Variants in MAST2 observed in about 807,000 individuals in gnomAD.
The protein encoded by MAST2 is microtubule associated serine/threonine kinase 2.
MAST2 carries 70 observed loss-of-function variants against 147.4 expected under a neutral mutation model. The observed-to-expected ratio is 0.47, with a 90% CI of 0.39 to 0.58. The LOEUF (loss-of-function observed/expected upper bound fraction) is 0.58. MAST2 is among the 20% of genes least tolerant of loss of function. The pLI is 0.00. For missense variants in MAST2, 2,080 were observed against 2,302.3 expected (o/e 0.90, Z 1.98); for synonymous variants, 869 against 896.8 (o/e 0.97, Z 0.55).
intron 5 of MAST2, among the ~76,000 whole-genome samples, chr1:45,960,695 G>T (rs992253952): frequency 3.3e-5 from 5 of 152,128 alleles, no homozygotes; most frequent in African/African-American, 1.2e-4. Context: ...CAGCACTTCT[G>T]TGCAGTTCAT....
intron 5 of MAST2, among the ~76,000 whole-genome samples, chr1:45,995,422 A>T (rs1645017601): frequency 6.7e-6 from 1 of 148,928 alleles, no homozygotes; most frequent in Non-Finnish European, 1.5e-5. Flanking sequence ...TGGGACTGCA[A>T]CGTCCCATCT....
In MAST2 at chr1:46,028,863, T is replaced by C. The variant is rs764885365; in HGVS notation, c.2148T>C (p.Tyr716=). 2.5e-6 allele frequency: 4 copies of C among 1,613,168 alleles called. No homozygotes were observed. In the African/African-American group the frequency reaches 5.3e-5, roughly 22 times the overall value. ...GGTGGGCCATGGGCATTATCCTGTA[T>C]GAGTTCCTGGTGGGCTGCGTCCCTT... ...VDWWAMGIIL[Y]EFLVGCVPFF... is the part of the protein sequence containing the mutation. Residue 716 remains tyrosine (Y), a synonymous_variant, in exon 18 of 29, where the codon TAT becomes TAC. Transcript: ENST00000361297.
At chr1:45,900,172 T>TAAAAAAAA (rs1557883401) in intron 4 of MAST2, among the ~76,000 whole-genome samples, 1 of 17,518 alleles carries the variant, frequency 5.7e-5, no homozygotes, top group Non-Finnish European at 9.2e-5. Flanking sequence ...TCTCTCTCTC[T>TAAAAAAAA]CAAAAAAAAA....
At chr1:45,930,708 A>G (rs1655152868) in intron 4 of MAST2, among the ~76,000 whole-genome samples, 1 of 152,174 alleles carries the variant, frequency 6.6e-6, no homozygotes, top group Admixed American at 6.5e-5. Flanking sequence ...CAAAATTCCA[A>G]GAATAGTTCA....
intron 4 of MAST2, among the ~76,000 whole-genome samples, chr1:45,906,134 A>T (rs1470044250): frequency 6.6e-6 from 1 of 152,212 alleles, no homozygotes; most frequent in East Asian, 1.9e-4. Context: ...GAAAAAAAGA[A>T]TAAAAAATTA....
chr1:46,006,310 T>C lies in MAST2; in HGVS notation c.817T>C (p.Leu273=). ...FQPTADELHF[L]TKHFSTESVP... ...GCCTACAGCTGATGAGCTGCACTTT[T>C]TGACGAAGCATTTCAGCACAGAGAG... is the stretch of plus-strand genomic sequence containing the variant. Residue 273 remains leucine (L), a synonymous_variant, in exon 8 of 29, where the codon TTG becomes CTG. Coordinates refer to ENST00000361297, the MANE Select transcript of MAST2 (RefSeq NM_015112.3). 1 of 1,613,950 alleles carries C rather than the reference T, an allele frequency of 6.2e-7. No homozygotes were observed. The highest frequency in any genetic ancestry group is 2.2e-5 in the East Asian group (1 of 44,876).
At chr1:45,901,298 A>G (rs1395450862) in intron 4 of MAST2, among the ~76,000 whole-genome samples, 1 of 152,100 alleles carries the variant, frequency 6.6e-6, no homozygotes, top group East Asian at 1.9e-4. Flanking sequence ...TTTGTTGAAG[A>G]TCACTTTACT....
intron 4 of MAST2, among the ~76,000 whole-genome samples, chr1:45,904,585 C>G (rs1009860396): frequency 6.6e-6 from 1 of 151,966 alleles, no homozygotes; most frequent in African/African-American, 2.4e-5. Flanking sequence ...CTACCTTAGC[C>G]CCCCCAAGTA....
chr1:46,001,500 G>A (rs896576355), intron 6 of MAST2, among the ~76,000 whole-genome samples: 2 of 152,160 alleles, frequency 1.3e-5, no homozygotes, highest in Non-Finnish European at 2.9e-5. Context: ...TCCTGGAACC[G>A]ACTTGTTTTA....
In MAST2 at chr1:46,031,411, G is replaced by A. The variant is rs1263549534; in HGVS notation, c.3013G>A (p.Gly1005Arg). The A allele has an allele frequency of 6.2e-7, 1 of 1,613,334 alleles. No homozygotes were observed. Among genetic ancestry groups the A allele is most frequent in the Non-Finnish European group, 8.5e-7 (1 of 1,179,610 alleles). Residue 1005 changes from glycine to arginine, a missense_variant, in exon 24 of 29, where the codon GGG becomes AGG. Gly to Arg is a moderately radical substitution (Grantham distance 125). Around this residue, in one of 4 missense-constraint regions of MAST2, gnomAD observed 1,278 missense variants for 1,304.2 expected, o/e 0.98. Transcript: ENST00000361297. The surrounding 1 kb of genome is among the most constrained non-coding windows in gnomAD (Gnocchi z 4.1). ...SSPAMETRGRGTSQLAEGATA... is the reference protein window; with the variant it reads ...SSPAMETRGRRTSQLAEGATA... ...TACAGCTATGGAGACCCGAGGCCGT[G>A]GGACCTCACAGCTGGCTGAGGGAGC...
chr1:45,829,204 A>G (rs141086912), intron 2 of MAST2, among the ~76,000 whole-genome samples: 1 of 152,290 alleles, frequency 6.6e-6, no homozygotes, highest in African/African-American at 2.4e-5. Context: ...TGAATATTAT[A>G]GAGAACATAA....
At chr1:45,914,762 G>A (rs1652211009) in intron 4 of MAST2, among the ~76,000 whole-genome samples, 1 of 152,026 alleles carries the variant, frequency 6.6e-6, no homozygotes, top group South Asian at 2.1e-4. Context: ...GTATATAGTT[G>A]TAGTATTGAC....
intron 1 of MAST2, 64 bp from the exon 2 acceptor site, chr1:45,824,369 A>G (rs576601222): frequency 2.3e-6 from 3 of 1,299,746 alleles, no homozygotes; most frequent in Admixed American, 4.8e-5. Flanking sequence ...GATGTTTAAT[A>G]TAAAGTTTTT....
chr1:46,001,590 T>G (rs556801674), intron 6 of MAST2, among the ~76,000 whole-genome samples: 1 of 152,292 alleles, frequency 6.6e-6, no homozygotes, highest in African/African-American at 2.4e-5. Context: ...TGTCTGAACC[T>G]CAGAGACTAG....
intron 9 of MAST2, among the ~76,000 whole-genome samples, chr1:46,008,713 A>G (rs1645590395): frequency 6.6e-6 from 1 of 152,218 alleles, no homozygotes; most frequent in South Asian, 2.1e-4. Flanking sequence ...CTCACTGTGC[A>G]CATGAGGATC....
chr1:45,821,885 C>CTTTTTTTTTTTTT (rs71587723), intron 1 of MAST2, among the ~76,000 whole-genome samples: 5 of 100,848 alleles, frequency 5.0e-5, no homozygotes, highest in African/African-American at 8.1e-5. Context: ...TCACCTTCAC[C>CTTTTTTTTTTTTT]TTTTTTTTTT....
intron 3 of MAST2, among the ~76,000 whole-genome samples, chr1:45,875,280 T>C (rs1379437932): frequency 2.0e-5 from 3 of 152,106 alleles, no homozygotes; most frequent in African/African-American, 4.8e-5. Flanking sequence ...ACCCTGTCTC[T>C]ACTAAAAATA....
At chr1:45,818,453 T>C (rs1461989467) in intron 1 of MAST2, among the ~76,000 whole-genome samples, 1 of 152,210 alleles carries the variant, frequency 6.6e-6, no homozygotes, top group Non-Finnish European at 1.5e-5. Flanking sequence ...AAGTGGTTCA[T>C]TGTTCTGTAG....
intron 4 of MAST2, among the ~76,000 whole-genome samples, chr1:45,950,354 C>T (rs923551774): frequency 2.0e-5 from 3 of 152,018 alleles, no homozygotes; most frequent in Non-Finnish European, 2.9e-5. Context: ...GAATGGACAC[C>T]CCCTACATAC....
Sources: allele counts gnomAD v4.1 joint callset (sites outside exome capture counted in the v4.1 genomes callset), GRCh38; gene constraint gnomAD v4.1.1; regional missense constraint gnomAD v4.1.1; non-coding constraint Gnocchi (gnomAD v3.1); transcripts MANE v1.5; gene names NCBI Gene and HGNC (gene_info 2026-07-23, HGNC 2026-07-21).